MMP25: variants seen among roughly 807,000 people sequenced by gnomAD.
The protein encoded by MMP25 is matrix metallopeptidase 25.
A neutral mutation model predicts 62.1 loss-of-function variants in MMP25; 68 were observed. That is an observed-to-expected ratio of 1.10 (90% CI 0.90 to 1.34). The LOEUF is 1.34. Ranked by LOEUF, MMP25 falls within the 40% of genes most tolerant of loss-of-function variation. The pLI is 0.00. For missense variants in MMP25, 942 were observed against 792.5 expected, an observed-to-expected ratio of 1.19 and a Z score of -2.26; for synonymous variants, 407 against 345.6, an observed-to-expected ratio of 1.18 and a Z score of -1.97.
In MMP25 at chr16:3,060,090, G is replaced by C. The variant is rs965562741; in HGVS notation, c.*992G>C. The C allele has an allele frequency of 6.6e-6, 1 of 152,284 alleles. No individual in the cohort carries two copies. The highest frequency in any genetic ancestry group is 2.4e-5 in the African/African-American group (1 of 41,424). The allele number at this position is 152,284 out of a possible 1,614,324, so 9.4% of individuals were successfully genotyped here. ...GCCTCCTCAGCACTCCCTCCTGGGA[G>C]GCCTTAGCTCTAGAGTGAGGGGTGG... On this transcript the variant is annotated 3_prime_UTR_variant, in exon 10 of 10. Coordinates refer to ENST00000336577, the MANE Select transcript of MMP25 (RefSeq NM_022468.5).
Position 3,050,159 on chromosome 16 carries a change from C to T in MMP25, c.368+15C>T, listed in dbSNP as rs1174762624. On this transcript the variant is annotated intron_variant, in intron 3 of 9. Transcript: ENST00000336577. The stretch of plus-strand genomic sequence containing the variant: ...CTGACATGGAGGTAGGTCCTGGGGC[C>T]CACCCGCACCCTGGCCCTGCCTGCT... 1 of 1,593,434 alleles carries T rather than the reference C, an allele frequency of 6.3e-7. No homozygotes were observed. The highest frequency in any genetic ancestry group is 1.7e-5 in the Admixed American group (1 of 58,910).
chr16:3,050,430 G>A lies in MMP25; in HGVS notation c.545G>A (p.Ser182Asn). Residue 182 changes from serine to asparagine, a missense_variant, in exon 4 of 10, where the codon AGC (serine) becomes AAC (asparagine). Ser to Asn is a conservative substitution (Grantham distance 46, BLOSUM62 1). Transcript: ENST00000336577. ...IDFARAFHQDSYPFDGLGGTL... is the reference protein window; with the variant it reads ...IDFARAFHQDNYPFDGLGGTL... The stretch of plus-strand genomic sequence containing the variant: ...TTTGCCCGCGCCTTCCACCAGGACA[G>A]CTACCCCTTCGACGGGTTGGGGGGC... 1.2e-6 allele frequency: 2 copies of A among 1,614,012 alleles called. No homozygotes were observed. Among genetic ancestry groups the A allele is most frequent in the South Asian group, 2.2e-5 (2 of 91,076 alleles).
rs200558581 is a variant in MMP25, at chr16:3,050,089, C to T, written c.313C>T (p.Arg105Cys). The T allele has an allele frequency of 2.6e-5, 42 of 1,611,222 alleles. No homozygotes were observed. The highest frequency in any genetic ancestry group is 4.5e-5 in the East Asian group (2 of 44,874). Residue 105 changes from arginine (R) to cysteine (C), a missense_variant, in exon 3 of 10, where the codon CGT becomes TGT. Coordinates refer to ENST00000336577, the MANE Select transcript of MMP25 (RefSeq NM_022468.5). ...GGGGGTGGCGGGGCTGGTCAGGCGG[C>T]GTCGCCGGTACGCTCTGAGCGGCAG... ...VLGVAGLVRR[R>C]RRYALSGSVW...
Position 3,050,376 on chromosome 16 carries a change from A to G in MMP25, c.491A>G (p.Gln164Arg). The G allele has an allele frequency of 6.2e-7, 1 of 1,614,018 alleles. No individual in the cohort carries two copies. Among genetic ancestry groups the G allele is most frequent in the Non-Finnish European group, 8.5e-7 (1 of 1,180,006 alleles). Residue 164 changes from glutamine (Q) to arginine (R), a missense_variant, in exon 4 of 10, where the codon CAG becomes CGG. Coordinates refer to ENST00000336577, the MANE Select transcript of MMP25 (RefSeq NM_022468.5). Reference sequence around the variant, plus strand: ...ACATTTCATGAGGTGGATTCCCCCCAGGGCCAGGAGCCCGACATCCTCATC... The same window carrying G: ...ACATTTCATGAGGTGGATTCCCCCCGGGGCCAGGAGCCCGACATCCTCATC... Reference protein sequence around the residue: ...GLTFHEVDSPQGQEPDILIDF... With the variant: ...GLTFHEVDSPRGQEPDILIDF...
At position 3,050,532 on chromosome 16, in the gene MMP25, C is replaced by A. The variant is rs148040455; in HGVS notation, c.647C>A (p.Thr216Asn). The change falls in exon 4 of 10, where the codon ACT becomes AAT. Residue 216 changes from threonine (T) to asparagine (N), a missense_variant. Thr to Asn is a moderately conservative substitution (Grantham distance 65). Coordinates refer to ENST00000336577, the MANE Select transcript of MMP25 (RefSeq NM_022468.5). ...CACTTTGACGATGAGGAGACCTGGA[C>A]TTTTGGGTCAAAAGGTAAAATCTCC... ...DTHFDDEETW[T>N]FGSKDGEGTD... 4 of 1,545,888 alleles carry A rather than the reference C, an allele frequency of 2.6e-6. No homozygotes were observed. In the African/African-American group the frequency reaches 4.1e-5, roughly 16 times the overall value.
chr16:3,053,460 C>A (rs540628072), intron 4 of MMP25: 4 of 152,282 alleles, frequency 2.6e-5, no homozygotes, highest in African/African-American at 9.7e-5. Flanking sequence ...GCGAGGAGAA[C>A]GGCGCCTGCT....
At position 3,050,080 on chromosome 16, in the gene MMP25, G is replaced by C; in HGVS notation, c.304G>C (p.Val102Leu). ...TGACGTGCTGGGGGTGGCGGGGCTG[G>C]TCAGGCGGCGTCGCCGGTACGCTCT... ...LPDVLGVAGL[V>L]RRRRRYALSG... Residue 102 changes from valine to leucine, a missense_variant, in exon 3 of 10, where the codon GTC becomes CTC. By Grantham distance (32) the Val-to-Leu change is conservative (BLOSUM62 1). Coordinates refer to ENST00000336577, the MANE Select transcript of MMP25 (RefSeq NM_022468.5). 2.5e-6 allele frequency: 4 copies of C among 1,611,176 alleles called. No individual in the cohort carries two copies. The highest frequency in any genetic ancestry group is 3.4e-6 in the Non-Finnish European group (4 of 1,179,870).
chr16:3,047,238 A>C (rs1955833854), intron 1 of MMP25, among the ~76,000 whole-genome samples, 177 bp from the exon 2 acceptor site: 1 of 152,186 alleles, frequency 6.6e-6, no homozygotes, highest in African/African-American at 2.4e-5. Flanking sequence ...AAGTCCAGAC[A>C]AGACTGGCAA....
intron 4 of MMP25, 69 bp from the exon 5 acceptor site, chr16:3,056,964 G>A (rs1294896094): frequency 8.0e-6 from 12 of 1,491,492 alleles, no homozygotes; most frequent in South Asian, 2.6e-5. Flanking sequence ...AGCTGCACTC[G>A]CAGGGCCTTC....
In MMP25 at chr16:3,059,032, A is replaced by T. The variant is rs1180107266; in HGVS notation, c.1623A>T (p.Gly541=). 1 of 1,553,548 alleles carries T rather than the reference A, an allele frequency of 6.4e-7. No homozygotes were observed. The highest frequency in any genetic ancestry group is 1.2e-5 in the South Asian group (1 of 84,258). ...DCQCELNQAA[G]RWPAPIPLLL... The stretch of plus-strand genomic sequence containing the variant: ...AGTGCGAGCTCAACCAGGCCGCAGG[A>T]CGTTGGCCTGCTCCCATCCCGCTGC... The change falls in exon 10 of 10, where the codon GGA becomes GGT. Residue 541 remains glycine (G), a synonymous_variant. Transcript: ENST00000336577.
rs1327677798 is a variant in MMP25 at position 3,059,469 on chromosome 16, CCGCGGCCTCA to C, written c.*373_*382del. ...GGGGCGGGGAGGACAAGGGGCGGGC[CCGCGGCCTCA>C]CCCGGAGGGACGGCAGCCCCGGTCG... On this transcript the variant is annotated 3_prime_UTR_variant, in exon 10 of 10. Transcript: ENST00000336577. The C allele has an allele frequency of 5.2e-6, 1 of 194,078 alleles. No homozygotes were observed. The highest frequency in any genetic ancestry group is 1.0e-5 in the Non-Finnish European group (1 of 95,848). 12.0% of individuals were successfully genotyped at this position (194,078 alleles called of 1,614,324 possible). A position where few individuals can be genotyped will look rare whatever the true frequency, so the allele number is the denominator to read the frequency against.
At chr16:3,049,523 C>T (rs376364117) in intron 2 of MMP25, among the ~76,000 whole-genome samples, 13 of 152,212 alleles carry the variant, frequency 8.5e-5, no homozygotes, top group African/African-American at 3.1e-4. Context: ...CCCAGAGAGA[C>T]CTAACCCAGG....
At position 3,058,297 on chromosome 16, in the gene MMP25, G is replaced by T; in HGVS notation, c.1123G>T (p.Ala375Ser). Residue 375 changes from alanine (A) to serine (S), a missense_variant, in exon 8 of 10, where the codon GCT becomes TCT. By Grantham distance (99) the Ala-to-Ser change is moderately conservative. Coordinates refer to ENST00000336577, the MANE Select transcript of MMP25 (RefSeq NM_022468.5). ...AQVRVVQAAYARHRDGRILLF... is the reference protein window; with the variant it reads ...AQVRVVQAAYSRHRDGRILLF... The stretch of plus-strand genomic sequence containing the variant: ...GGTGAGGGTGGTGCAGGCCGCCTAT[G>T]CTCGGCACCGAGACGGCCGAATCCT... 2 of 1,605,842 alleles carry T rather than the reference G, an allele frequency of 1.2e-6. No individual in the cohort carries two copies. The highest frequency in any genetic ancestry group is 2.2e-5 in the South Asian group (2 of 90,538).
rs530350084 is a variant in MMP25, at chr16:3,058,327, T to C, written c.1153T>C (p.Phe385Leu). 1 of 1,574,254 alleles carries C rather than the reference T, an allele frequency of 6.4e-7. No individual in the cohort carries two copies. Among genetic ancestry groups the C allele is most frequent in the Non-Finnish European group, 8.6e-7 (1 of 1,162,648 alleles). Reference protein sequence around the residue: ...ARHRDGRILLFSGPQFWVFQD... With the variant: ...ARHRDGRILLLSGPQFWVFQD... ...GCACCGAGACGGCCGAATCCTCCTC[T>C]TTAGCGGTGAGTGGGGCCGGCGGCG... The change falls in exon 8 of 10, where the codon TTT becomes CTT. Residue 385 changes from phenylalanine (F) to leucine (L), a missense_variant. Phe to Leu is a conservative substitution (Grantham distance 22). Coordinates refer to ENST00000336577, the MANE Select transcript of MMP25 (RefSeq NM_022468.5).
At chr16:3,052,337 C>T (rs1955916846) in intron 4 of MMP25, 1 of 152,062 alleles carries the variant, frequency 6.6e-6, no homozygotes, top group Non-Finnish European at 1.5e-5. Context: ...ACTATGGCAT[C>T]AGTAGGGAGA....
At chr16:3,053,603 C>T (rs1187149113) in intron 4 of MMP25, 1 of 152,162 alleles carries the variant, frequency 6.6e-6, no homozygotes, top group African/African-American at 2.4e-5. Context: ...AGCCAGCAGT[C>T]CACGGGGGTT....
intron 4 of MMP25, chr16:3,051,984 G>C (rs1339588389): frequency 6.6e-6 from 1 of 151,988 alleles, no homozygotes; most frequent in Non-Finnish European, 1.5e-5. Context: ...AAATTAGCCG[G>C]GTGTGGTGGT....
rs2151154388 is a variant in MMP25, at chr16:3,050,528, TG to T, written c.645del (p.Trp215Ter). Reference sequence around the variant, plus strand: ...CACTCACTTTGACGATGAGGAGACCTGGACTTTTGGGTCAAAAGGTAAAATC... The same window carrying T: ...CACTCACTTTGACGATGAGGAGACCTGACTTTTGGGTCAAAAGGTAAAATC... The part of the protein sequence containing the change: ...GDTHFDDEET[W>X]TFGSKDGEGT... On this transcript the variant is annotated frameshift_variant, in exon 4 of 10. Transcript: ENST00000336577. LOFTEE classifies it high-confidence loss of function. 6.4e-7 allele frequency: 1 copy of T among 1,551,614 alleles called. No homozygotes were observed. The highest frequency in any genetic ancestry group is 8.7e-7 in the Non-Finnish European group (1 of 1,147,818).
intron 1 of MMP25, 40 bp downstream of exon 1, chr16:3,047,056 G>T (rs1197528262): frequency 3.4e-5 from 48 of 1,398,538 alleles, no homozygotes; most frequent in Non-Finnish European, 4.2e-5. Flanking sequence ...TCTGCAGAGA[G>T]ATTGGGAGAG....
Sources: gnomAD v4.1 joint callset for allele counts (sites outside exome capture counted in the v4.1 genomes callset) on GRCh38, gnomAD v4.1.1 for gene constraint, MANE v1.5 for transcripts, NCBI Gene and HGNC (gene_info 2026-07-23, HGNC 2026-07-21) for gene names.